Variants in TRAF3IP2 observed in about 807,000 individuals in gnomAD.
TRAF3IP2 encodes E3 ubiquitin ligase TRAF3IP2.
In TRAF3IP2, 35 loss-of-function variants were observed where a neutral mutation model predicts 57.9. The observed-to-expected ratio is 0.60, with a 90% CI of 0.46 to 0.80. TRAF3IP2 has a LOEUF of 0.80. TRAF3IP2 is among the 30% of genes least tolerant of loss of function. TRAF3IP2 has a pLI of 0.00. For synonymous variants in TRAF3IP2, 251 were observed against 268.9 expected (o/e 0.93, Z 0.65); for missense variants, 556 against 706.4 (o/e 0.79, Z 2.41).
In TRAF3IP2 at chr6:111,556,214, G is replaced by A. The variant is rs959721926; in HGVS notation, c.*3191C>T. Among the ~76,000 whole-genome samples the A allele has an allele frequency of 9.3e-5, 14 of 149,856 alleles. No individual in the cohort carries two copies. The highest frequency in any genetic ancestry group is 6.7e-5 in the Admixed American group (1 of 14,956). Reference sequence around the variant, plus strand: ...AGTGCGTGTGTGTGTGTATGTGTGCGTGTGTGTGTGTGTGTCTGTGTGTAC... The same window carrying A: ...AGTGCGTGTGTGTGTGTATGTGTGCATGTGTGTGTGTGTGTCTGTGTGTAC... On this transcript the variant is annotated 3_prime_UTR_variant, in exon 9 of 9. Coordinates refer to ENST00000368761, the MANE Select transcript of TRAF3IP2 (RefSeq NM_147686.4).
At chr6:111,593,820 C>T (rs174387) in intron 1 of TRAF3IP2, among the ~76,000 whole-genome samples, 19,105 of 152,132 alleles carry the variant, frequency 0.13, 1,371 homozygotes, top group Middle Eastern at 0.23. Context: ...AAATAAATAT[C>T]GCAACTTTTT....
chr6:111,601,301 A>G (rs768521071), intron 1 of TRAF3IP2: 10 of 694,566 alleles, frequency 1.4e-5, no homozygotes, highest in Admixed American at 1.2e-4. Flanking sequence ...GAGGATACAG[A>G]TGAGGCTGCA....
At chr6:111,597,112 T>C (rs958305682) in intron 1 of TRAF3IP2, among the ~76,000 whole-genome samples, 3 of 152,194 alleles carry the variant, frequency 2.0e-5, no homozygotes, top group Non-Finnish European at 2.9e-5. Context: ...CTGGTGGGCC[T>C]GGTCCTCAGA....
intron 3 of TRAF3IP2, among the ~76,000 whole-genome samples, chr6:111,579,244 G>A (rs1796085503): frequency 6.8e-6 from 1 of 146,954 alleles, no homozygotes. Context: ...TTGAACCCAG[G>A]AGGCGGAGGT....
chr6:111,593,386 T>A (rs1010960129), intron 1 of TRAF3IP2, among the ~76,000 whole-genome samples: 3 of 152,230 alleles, frequency 2.0e-5, no homozygotes, highest in Admixed American at 1.3e-4. Context: ...TCGGAGAGCA[T>A]GAATTCACTT....
chr6:111,577,800 C>T (rs549574869), intron 3 of TRAF3IP2, among the ~76,000 whole-genome samples: 24 of 152,248 alleles, frequency 1.6e-4, no homozygotes, highest in Admixed American at 5.9e-4. Flanking sequence ...CAGCCATGAC[C>T]TCTTGTGCTC....
rs1204922759 is a variant in TRAF3IP2, at chr6:111,591,310, A to G, written c.777T>C (p.Ala259=). The change falls in exon 2 of 9, where the codon GCT becomes GCC. Residue 259 remains alanine, a synonymous_variant. Coordinates refer to ENST00000368761, the MANE Select transcript of TRAF3IP2 (RefSeq NM_147686.4). This position sits in a 1 kb window ranked among gnomAD's most constrained non-coding sequence, Gnocchi z 4.9. ...QMLPPNLSPH[A]PWNYHYHCPG... Reference sequence around the variant, plus strand: ...GACAATGGTAATGATAGTTCCATGGAGCATGTGGGGAAAGATTGGGAGGCA... The same window carrying G: ...GACAATGGTAATGATAGTTCCATGGGGCATGTGGGGAAAGATTGGGAGGCA... 6.6e-7 allele frequency: 1 copy of G among 1,515,724 alleles called. No homozygotes were observed. Among genetic ancestry groups the G allele is most frequent in the South Asian group, 1.4e-5 (1 of 73,808 alleles). 93.9% of individuals were successfully genotyped at this position (1,515,724 alleles called of 1,614,324 possible). A position where few individuals can be genotyped will look rare whatever the true frequency, so the allele number is the denominator to read the frequency against.
At chr6:111,561,344 G>T (rs111482139) in intron 8 of TRAF3IP2, among the ~76,000 whole-genome samples, 4,499 of 152,114 alleles carry the variant, frequency 0.03, 176 homozygotes, top group African/African-American at 0.089. Flanking sequence ...GGAGGCTGAG[G>T]CAGGAGAATC....
At chr6:111,601,790 G>A (rs1049241482) in intron 1 of TRAF3IP2, 4 of 152,150 alleles carry the variant, frequency 2.6e-5, no homozygotes, top group African/African-American at 9.7e-5. Flanking sequence ...TCAATTACAA[G>A]ATTCCCAAGG....
At chr6:111,590,445 T>C (rs900063479) in intron 2 of TRAF3IP2, among the ~76,000 whole-genome samples, 31 of 152,168 alleles carry the variant, frequency 2.0e-4, no homozygotes, top group African/African-American at 7.5e-4. Flanking sequence ...ATGTGTATGA[T>C]GGTGGTTGCA....
intron 8 of TRAF3IP2, among the ~76,000 whole-genome samples, chr6:111,561,298 G>A (rs979087340): frequency 8.6e-5 from 13 of 151,894 alleles, no homozygotes; most frequent in Non-Finnish European, 1.6e-4. Flanking sequence ...AAATTAGCTG[G>A]GCATAGTAGC....
chr6:111,579,187 G>A (rs571228663), intron 3 of TRAF3IP2, among the ~76,000 whole-genome samples: 260 of 152,002 alleles, frequency 1.7e-3, no homozygotes, highest in African/African-American at 6.0e-3. Flanking sequence ...AAATTAGCTA[G>A]ACGTGATGGC....
intron 1 of TRAF3IP2, among the ~76,000 whole-genome samples, chr6:111,593,776 T>C (rs962626073): frequency 3.9e-5 from 6 of 152,130 alleles, no homozygotes; most frequent in Non-Finnish European, 7.3e-5. Context: ...TCAGACCTTA[T>C]AAAAATGAAC....
intron 8 of TRAF3IP2, among the ~76,000 whole-genome samples, chr6:111,560,074 G>T (rs966777249): frequency 6.6e-6 from 1 of 152,214 alleles, no homozygotes; most frequent in Non-Finnish European, 1.5e-5. Flanking sequence ...GGATGTTCTG[G>T]TGGGGAGAGG....
intron 2 of TRAF3IP2, among the ~76,000 whole-genome samples, chr6:111,582,624 T>C (rs1048038615): frequency 2.0e-5 from 3 of 152,214 alleles, no homozygotes; most frequent in African/African-American, 7.2e-5. Flanking sequence ...AAGTCACTAC[T>C]GCTCCTTTCC....
At chr6:111,586,510 T>C (rs1459704805) in intron 2 of TRAF3IP2, among the ~76,000 whole-genome samples, 2 of 152,166 alleles carry the variant, frequency 1.3e-5, no homozygotes, top group Admixed American at 6.5e-5. Context: ...ACTTATTCCC[T>C]TTCTTATTTC....
chr6:111,592,728 A>G (rs1796560697), intron 1 of TRAF3IP2, among the ~76,000 whole-genome samples: 1 of 152,070 alleles, frequency 6.6e-6, no homozygotes, highest in Non-Finnish European at 1.5e-5. Context: ...GTTCCATTTG[A>G]CTATTTCCTA....
At chr6:111,563,735 G>A (rs1321919854) in intron 7 of TRAF3IP2, among the ~76,000 whole-genome samples, 1 of 152,202 alleles carries the variant, frequency 6.6e-6, no homozygotes, top group East Asian at 1.9e-4. Context: ...TGATGTGGTT[G>A]GGACCAGCTA....
At chr6:111,600,338 C>T (rs1358929603) in intron 1 of TRAF3IP2, 2 of 152,202 alleles carry the variant, frequency 1.3e-5, no homozygotes, top group Non-Finnish European at 2.9e-5. Context: ...ATTTCCGGCA[C>T]ATTTGATACA....
Sources: allele counts gnomAD v4.1 joint callset (sites outside exome capture counted in the v4.1 genomes callset), GRCh38; gene constraint gnomAD v4.1.1; non-coding constraint Gnocchi (gnomAD v3.1); transcripts MANE v1.5; gene names NCBI Gene and HGNC (gene_info 2026-07-23, HGNC 2026-07-21).